ACOX2: variants seen among roughly 807,000 people sequenced by gnomAD.
The protein encoded by ACOX2 is peroxisomal acyl-coenzyme A oxidase 2.
Under a neutral mutation model 77.5 loss-of-function variants are expected in ACOX2, and 59 were observed. The ratio of observed to expected loss-of-function variants is 0.76; its 90% CI spans 0.62 to 0.95. The LOEUF (loss-of-function observed/expected upper bound fraction) is 0.95, where lower values mean the gene tolerates loss of function less well. Ranked by LOEUF, ACOX2 falls within the 40% of genes least tolerant of loss-of-function variation. The pLI, the probability that ACOX2 is intolerant of heterozygous loss-of-function variation, is 0.00. For synonymous variants in ACOX2, 317 were observed against 340.1 expected (o/e 0.93, Z 0.75); for missense variants, 837 against 880.4 (o/e 0.95, Z 0.62).
At position 58,535,656 on chromosome 3, in the gene ACOX2, G is replaced by A. The variant is rs752381885; in HGVS notation, c.-91-459C>T. 6.6e-6 allele frequency among the ~76,000 whole-genome samples: 1 copy of A among 152,082 alleles called. No homozygotes were observed. Among genetic ancestry groups the A allele is most frequent in the Admixed American group, 6.5e-5 (1 of 15,274 alleles). On this transcript the variant is annotated intron_variant, in intron 1 of 14. Coordinates refer to ENST00000302819, the MANE Select transcript of ACOX2 (RefSeq NM_003500.4). The surrounding 1 kb of genome is among the most constrained non-coding windows in gnomAD (Gnocchi z 4.8). ...GGGGGCACCTTGGTCTCATTAAACTGCTCATAAGTTCTAGGATCACTCAGC... is the reference window on the plus strand; with the variant it reads ...GGGGGCACCTTGGTCTCATTAAACTACTCATAAGTTCTAGGATCACTCAGC...
chr3:58,510,948 T>A (rs1462970350), intron 13 of ACOX2: 5 of 456,380 alleles, frequency 1.1e-5, no homozygotes, highest in Admixed American at 2.4e-5. Flanking sequence ...GTTCATTTAC[T>A]GTTTCTTTTT....
Position 58,531,650 on chromosome 3 carries a change from TCTC to T in ACOX2, c.703+40_703+42del. ...CCCAGGTCAGGGAGGCCACCTGGGC[TCTC>T]CTCCTGGCAGGGTTCCTTGAGGGAG... On this transcript the variant is annotated intron_variant, in intron 6 of 14. Transcript: ENST00000302819. The surrounding 1 kb of genome is among the most constrained non-coding windows in gnomAD (Gnocchi z 5.8). The T allele has an allele frequency of 6.2e-7, 1 of 1,602,842 alleles. No homozygotes were observed.
chr3:58,520,789 T>TC (rs1338956252), intron 12 of ACOX2, among the ~76,000 whole-genome samples: 1 of 152,078 alleles, frequency 6.6e-6, no homozygotes, highest in East Asian at 1.9e-4. Context: ...GACGTGTTCT[T>TC]CCCCCGCAGG....
chr3:58,534,816 A>G lies in ACOX2; in HGVS notation c.160+131T>C. The G allele has an allele frequency of 6.9e-7, 1 of 1,459,658 alleles. No individual in the cohort carries two copies. Among genetic ancestry groups the G allele is most frequent in the East Asian group, 2.3e-5 (1 of 44,000 alleles). 90.4% of individuals were successfully genotyped at this position (1,459,658 alleles called of 1,614,324 possible). A position where few individuals can be genotyped will look rare whatever the true frequency, so the allele number is the denominator to read the frequency against. ...GAAGATTGTCTTTACAGTTCGAAGGAATGAATCTCTAACAGTGGAATTTCA... is the reference window on the plus strand; with the variant it reads ...GAAGATTGTCTTTACAGTTCGAAGGGATGAATCTCTAACAGTGGAATTTCA... On this transcript the variant is annotated intron_variant, in intron 2 of 14. Transcript: ENST00000302819. This position sits in a 1 kb window ranked among gnomAD's most constrained non-coding sequence, Gnocchi z 4.8.
Position 58,505,323 on chromosome 3 carries a change from A to C in ACOX2, c.1984-37T>G. The C allele has an allele frequency of 6.5e-7, 1 of 1,527,788 alleles. No homozygotes were observed. 94.6% of individuals were successfully genotyped at this position (1,527,788 alleles called of 1,614,324 possible). On this transcript the variant is annotated intron_variant, in intron 14 of 14. Coordinates refer to ENST00000302819, the MANE Select transcript of ACOX2 (RefSeq NM_003500.4). The surrounding 1 kb of genome is among the most constrained non-coding windows in gnomAD (Gnocchi z 4.4). The stretch of plus-strand genomic sequence containing the variant: ...AAGAAACGCATTATTAACACAGTAC[A>C]TTTCTGCCAGGATTAATGACTTTCA...
Position 58,534,681 on chromosome 3 carries a change from G to T in ACOX2, c.161-159C>A. On this transcript the variant is annotated intron_variant, in intron 2 of 14. Coordinates refer to ENST00000302819, the MANE Select transcript of ACOX2 (RefSeq NM_003500.4). The surrounding 1 kb of genome is among the most constrained non-coding windows in gnomAD (Gnocchi z 4.8). ...GAGGACCAAGGTGGGAAAGTGAATT[G>T]CCCAAGGTTACAAAGCTATGCAGTG... 6.6e-7 allele frequency: 1 copy of T among 1,505,634 alleles called. No homozygotes were observed. The highest frequency in any genetic ancestry group is 9.0e-7 in the Non-Finnish European group (1 of 1,114,620). 93.3% of individuals were successfully genotyped at this position (1,505,634 alleles called of 1,614,324 possible).
chr3:58,527,914 C>G (rs2108005514), intron 9 of ACOX2, among the ~76,000 whole-genome samples: 1 of 149,560 alleles, frequency 6.7e-6, no homozygotes, highest in South Asian at 2.1e-4. Context: ...CTTGCTCAGG[C>G]TGGTCTTGTC....
rs1283467154 is a variant in ACOX2 at position 58,534,940 on chromosome 3, C to T, written c.160+7G>A. The T allele has an allele frequency of 1.2e-6, 2 of 1,613,990 alleles. No individual in the cohort carries two copies. Among genetic ancestry groups the T allele is most frequent in the Non-Finnish European group, 1.7e-6 (2 of 1,179,938 alleles). On this transcript the variant is annotated splice_region_variant and intron_variant, in intron 2 of 14. Transcript: ENST00000302819. This position sits in a 1 kb window ranked among gnomAD's most constrained non-coding sequence, Gnocchi z 4.8. ...AACAGATGTCCCATTCCCCAGCTTC[C>T]CCTTACCAACTTTCCTGCGGAGTGC...
In ACOX2 at chr3:58,531,432, T is replaced by A. The variant is rs921897611; in HGVS notation, c.704-66A>T. 2 of 1,448,480 alleles carry A rather than the reference T, an allele frequency of 1.4e-6. No homozygotes were observed. Among genetic ancestry groups the A allele is most frequent in the Non-Finnish European group, 1.9e-6 (2 of 1,037,274 alleles). 89.7% of individuals were successfully genotyped at this position (1,448,480 alleles called of 1,614,324 possible). On this transcript the variant is annotated intron_variant, in intron 6 of 14. Coordinates refer to ENST00000302819, the MANE Select transcript of ACOX2 (RefSeq NM_003500.4). The surrounding 1 kb of genome is among the most constrained non-coding windows in gnomAD (Gnocchi z 5.8). ...AGTGCTTGCTATGTGGCAGGTATCATACACACATTCCAGGTCACAGCAGCC... is the reference window on the plus strand; with the variant it reads ...AGTGCTTGCTATGTGGCAGGTATCAAACACACATTCCAGGTCACAGCAGCC...
chr3:58,518,554 A>C (rs1245662045), intron 12 of ACOX2, among the ~76,000 whole-genome samples: 2 of 152,236 alleles, frequency 1.3e-5, no homozygotes, highest in East Asian at 3.8e-4. Flanking sequence ...CAAGACAAGC[A>C]CACACAATTA....
intron 9 of ACOX2, among the ~76,000 whole-genome samples, chr3:58,527,292 C>T (rs1428827810): frequency 6.6e-6 from 1 of 151,958 alleles, no homozygotes; most frequent in Non-Finnish European, 1.5e-5. Flanking sequence ...AATCCCAGCA[C>T]TTTGGGAGGC....
At position 58,523,212 on chromosome 3, in the gene ACOX2, G is replaced by C. The variant is rs985788728; in HGVS notation, c.1527-611C>G. 1.3e-5 allele frequency among the ~76,000 whole-genome samples: 2 copies of C among 152,188 alleles called. No homozygotes were observed. The highest frequency in any genetic ancestry group is 4.8e-5 in the African/African-American group (2 of 41,436). ...TTAGAATTTGTGTGTAAAGCAAACT[G>C]TTTATTAAGCAATATGTTTTTTGCT... On this transcript the variant is annotated intron_variant, in intron 11 of 14. Transcript: ENST00000302819. The surrounding 1 kb of genome is among the most constrained non-coding windows in gnomAD (Gnocchi z 5.3).
Position 58,522,132 on chromosome 3 carries a change from G to A in ACOX2, c.1632+364C>T, listed in dbSNP as rs918720061. On this transcript the variant is annotated intron_variant, in intron 12 of 14. Coordinates refer to ENST00000302819, the MANE Select transcript of ACOX2 (RefSeq NM_003500.4). This position sits in a 1 kb window ranked among gnomAD's most constrained non-coding sequence, Gnocchi z 4.3. ...CAGAGTGGGTGCTCAAATATTTGCCGACCGACTGTGAATTATGCAGAAACA... is the reference window on the plus strand; with the variant it reads ...CAGAGTGGGTGCTCAAATATTTGCCAACCGACTGTGAATTATGCAGAAACA... Among the ~76,000 whole-genome samples, 5 of 152,180 alleles carry A rather than the reference G, an allele frequency of 3.3e-5. No homozygotes were observed. Among genetic ancestry groups the A allele is most frequent in the Non-Finnish European group, 5.9e-5 (4 of 68,032 alleles).
Position 58,533,372 on chromosome 3 carries a change from GCCA to G in ACOX2, c.583+70_583+72del. 1 of 1,387,272 alleles carries G rather than the reference GCCA, an allele frequency of 7.2e-7. No individual in the cohort carries two copies. The highest frequency in any genetic ancestry group is 1.0e-6 in the Non-Finnish European group (1 of 985,584). 85.9% of individuals were successfully genotyped at this position (1,387,272 alleles called of 1,614,324 possible). The stretch of plus-strand genomic sequence containing the variant: ...AATCTGAGGTCTGTTGGACCTCAAA[GCCA>G]GTGCTACTCTGCCCTCCAACATTCT... On this transcript the variant is annotated intron_variant, in intron 5 of 14. Coordinates refer to ENST00000302819, the MANE Select transcript of ACOX2 (RefSeq NM_003500.4). The surrounding 1 kb of genome is among the most constrained non-coding windows in gnomAD (Gnocchi z 5.6).
chr3:58,527,887 G>A (rs552666938), intron 9 of ACOX2, among the ~76,000 whole-genome samples: 1 of 147,186 alleles, frequency 6.8e-6, no homozygotes, highest in South Asian at 2.1e-4. Context: ...TTTTTGTGGA[G>A]ACGGGGGTCT....
chr3:58,509,048 G>A, intron 13 of ACOX2, 23 bp from the exon 14 acceptor site: 1 of 1,613,240 alleles, frequency 6.2e-7, no homozygotes, highest in Non-Finnish European at 8.5e-7. Flanking sequence ...ACAAGAGTTT[G>A]TAAGTATTTT....
In ACOX2 at chr3:58,530,591, G is replaced by T. The variant is rs181768469; in HGVS notation, c.867C>A (p.Asn289Lys). 3 of 1,614,120 alleles carry T rather than the reference G, an allele frequency of 1.9e-6. No individual in the cohort carries two copies. The highest frequency in any genetic ancestry group is 2.5e-6 in the Non-Finnish European group (3 of 1,180,044). ...TYVKLGTAQS[N>K]YLPMVVVRVE... ...CCCGCACCACCACCATGGGAAGGTA[G>T]TTGCTCTGTGCTGTACCGAGTTTGA... Residue 289 changes from asparagine (N) to lysine (K), a missense_variant, in exon 8 of 15, where the codon AAC (asparagine) becomes AAA (lysine). Transcript: ENST00000302819.
In ACOX2 at chr3:58,534,308, A is replaced by G; in HGVS notation, c.323+52T>C. On this transcript the variant is annotated intron_variant, in intron 3 of 14. Transcript: ENST00000302819. This position sits in a 1 kb window ranked among gnomAD's most constrained non-coding sequence, Gnocchi z 4.8. The stretch of plus-strand genomic sequence containing the variant: ...TGGCTCATGGGGCTAGGGGGTTTCC[A>G]GGTGATCCCAGGTAGATCCCTCTCT... 1 of 1,604,664 alleles carries G rather than the reference A, an allele frequency of 6.2e-7. No homozygotes were observed. The highest frequency in any genetic ancestry group is 2.2e-5 in the East Asian group (1 of 44,816).
intron 5 of ACOX2, among the ~76,000 whole-genome samples, chr3:58,532,740 C>G (rs2063450149): frequency 6.6e-6 from 1 of 152,176 alleles, no homozygotes; most frequent in African/African-American, 2.4e-5. Context: ...CTCTATGTGT[C>G]TCTCATCTCT....
Sources: gnomAD v4.1 joint callset for allele counts (sites outside exome capture counted in the v4.1 genomes callset) on GRCh38, gnomAD v4.1.1 for gene constraint, Gnocchi (gnomAD v3.1) non-coding constraint, MANE v1.5 for transcripts, NCBI Gene and HGNC (gene_info 2026-07-23, HGNC 2026-07-21) for gene names.